The following TMPRSS9 variants were observed in gnomAD, a reference collection of about 807,000 sequenced individuals.
TMPRSS9 encodes transmembrane protease serine 9.
Under a neutral mutation model 111.4 loss-of-function variants are expected in TMPRSS9, and 113 were observed. The ratio of observed to expected loss-of-function variants is 1.01; its 90% confidence interval spans 0.87 to 1.19. The LOEUF (loss-of-function observed/expected upper bound fraction) is 1.19. TMPRSS9 is among the 50% of genes most tolerant of loss of function. The pLI is 0.00. For missense variants in TMPRSS9, 1,803 were observed against 1,513.1 expected (o/e 1.19, Z -3.18); for synonymous variants, 805 against 659.1 (o/e 1.22, Z -3.39).
chr19:2,399,350 G>A (rs548032816), intron 4 of TMPRSS9, among the ~76,000 whole-genome samples, 157 bp downstream of exon 5: 7 of 152,248 alleles, frequency 4.6e-5, no homozygotes, highest in East Asian at 3.9e-4. Context: ...TTGGGAGGCC[G>A]AGGCGGGTGG....
At chr19:2,396,646 A>T in exon 2 of TMPRSS9, 1 of 1,608,702 alleles carries the variant, frequency 6.2e-7, no homozygotes, top group Non-Finnish European at 8.5e-7. Context: ...CCGCACGCTG[A>T]CGCCCACCCT....
intron 7 of TMPRSS9, among the ~76,000 whole-genome samples, chr19:2,407,019 T>C (rs1356653932): frequency 6.6e-6 from 1 of 150,650 alleles, no homozygotes; most frequent in Admixed American, 6.6e-5. Flanking sequence ...AGGCTGGTCT[T>C]GAACTCCTGG....
intron 10 of TMPRSS9, chr19:2,414,236 T>G: frequency 1.9e-6 from 1 of 514,040 alleles, no homozygotes; most frequent in Non-Finnish European, 3.3e-6. Flanking sequence ...GATCTATCAA[T>G]GGGATACTTT....
chr19:2,418,129 C>G (rs1203769942), exon 13 of TMPRSS9: 1 of 1,611,844 alleles, frequency 6.2e-7, no homozygotes, highest in East Asian at 2.2e-5. Context: ...GCAAAGTCGA[C>G]TCCTGCCAGG....
exon 12 of TMPRSS9, chr19:2,416,569 G>C: frequency 6.2e-7 from 1 of 1,611,116 alleles, no homozygotes; most frequent in Non-Finnish European, 8.5e-7. Flanking sequence ...GGCCCACCTG[G>C]GCACTGCGTC....
rs774871976 is a variant in TMPRSS9, at chr19:2,396,658, G to A, written c.262G>A (p.Glu88Lys). The change falls in exon 2 of 18, where the codon GAG (glutamate) becomes AAG (lysine). Residue 88 changes from glutamate (E) to lysine (K), a missense_variant. By Grantham distance (56) the Glu-to-Lys change is moderately conservative. Coordinates refer to ENST00000648592, the Ensembl canonical transcript of TMPRSS9. ...TCACCGCACGCTGACGCCCACCCTGGAGGCACTGGTGAGGGTGGTCTGTGT... is the reference window on the plus strand; with the variant it reads ...TCACCGCACGCTGACGCCCACCCTGAAGGCACTGGTGAGGGTGGTCTGTGT... The A allele has an allele frequency of 1.2e-6, 2 of 1,609,036 alleles. No homozygotes were observed. The highest frequency in any genetic ancestry group is 1.7e-6 in the Non-Finnish European group (2 of 1,177,712).
At chr19:2,413,903 C>T in exon 10 of TMPRSS9, 3 of 1,613,178 alleles carry the variant, frequency 1.9e-6, no homozygotes, top group Non-Finnish European at 2.5e-6. Context: ...CCCCTGCCGC[C>T]CCCAGCACAG....
At chr19:2,368,803 A>ATTTTTTTTTTTT (rs1365307901) in intron 1 of TMPRSS9, among the ~76,000 whole-genome samples, 1 of 26,726 alleles carries the variant, frequency 3.7e-5, no homozygotes, top group Admixed American at 3.9e-4. Flanking sequence ...TTTTTTTTTA[A>ATTTTTTTTTTTT]AGACAGAGTC....
exon 2 of TMPRSS9, chr19:2,396,626 C>G (rs71337102): frequency 1.2e-6 from 2 of 1,603,488 alleles, no homozygotes; most frequent in Non-Finnish European, 1.7e-6. Context: ...CGGGAGACCT[C>G]GGACTATCAC....
intron 4 of TMPRSS9, 54 bp downstream of exon 5, chr19:2,399,247 G>C: frequency 6.6e-7 from 1 of 1,518,532 alleles, no homozygotes; most frequent in Non-Finnish European, 8.8e-7. Flanking sequence ...GAGTGGGGCA[G>C]GAGCTGCAAG....
rs1971610765 is a variant in TMPRSS9, at chr19:2,425,845, C to T, written c.3121-82C>T. On this transcript the variant is annotated intron_variant, in intron 17 of 17. Coordinates refer to ENST00000648592, the Ensembl canonical transcript of TMPRSS9. ...GGCTCCCAGGGGAAGTCACTAGGGT[C>T]ACTCCTAGAGGGGCCAATGACCCAA... The T allele has an allele frequency of 2.7e-6, 4 of 1,471,386 alleles. 1 individual carries two copies. The South Asian group carries it at 4.2e-5, about 16-fold the overall frequency. 91.1% of individuals were successfully genotyped at this position (1,471,386 alleles called of 1,614,324 possible).
chr19:2,425,368 C>G (rs201826994), exon 17 of TMPRSS9: 4 of 1,524,516 alleles, frequency 2.6e-6, no homozygotes, highest in Non-Finnish European at 3.5e-6. Context: ...CTCCATGGCG[C>G]GGCAGCTGCA....
At chr19:2,389,076 C>CTT (rs1197842508), upstream of TMPRSS9, among the ~76,000 whole-genome samples, 17 of 139,790 alleles carry the variant, frequency 1.2e-4, no homozygotes, top group South Asian at 4.5e-4. Context: ...CACGTTCCAC[C>CTT]TTTTTTTTTT....
Position 2,399,203 on chromosome 19 carries a change from C to T in TMPRSS9, c.514+10C>T. 1.3e-6 allele frequency: 2 copies of T among 1,571,674 alleles called. No homozygotes were observed. The highest frequency in any genetic ancestry group is 1.7e-6 in the Non-Finnish European group (2 of 1,158,288). On this transcript the variant is annotated intron_variant, in intron 4 of 17. Coordinates refer to ENST00000648592, the Ensembl canonical transcript of TMPRSS9. ...TCGGCTGAGCTCACAGGTGAGTGGG[C>T]AGCCGAGACCGAAACCCCATCACGA...
chr19:2,365,988 A>G lies in TMPRSS9; in HGVS notation c.-26+5628A>G, dbSNP rs1226078413. ...CAAAATAAATAAATAAATAATTTTA[A>G]AAAAGAGATGGAGAAAGAGAAGAGA... On this transcript the variant is annotated intron_variant, in intron 1 of 17. Coordinates refer to the TMPRSS9 transcript ENST00000649857. Among the ~76,000 whole-genome samples the G allele has an allele frequency of 2.6e-5, 4 of 151,880 alleles. No individual in the cohort carries two copies. In the East Asian group the frequency reaches 5.8e-4, roughly 22 times the overall value.
At position 2,424,331 on chromosome 19, in the gene TMPRSS9, G is replaced by A. The variant is rs1470963430; in HGVS notation, c.2717+74G>A. The A allele has an allele frequency of 6.3e-6, 8 of 1,266,680 alleles. No individual in the cohort carries two copies. The African/African-American group carries it at 9.2e-5, about 15-fold the overall frequency. 78.5% of individuals were successfully genotyped at this position (1,266,680 alleles called of 1,614,324 possible). ...CGGAACCGAACTGTTGCCCGAAAAC[G>A]CACCCTGACCCCCTCCTTTGCCGGG... On this transcript the variant is annotated intron_variant, in intron 15 of 17. Coordinates refer to ENST00000648592, the Ensembl canonical transcript of TMPRSS9.
intron 1 of TMPRSS9, among the ~76,000 whole-genome samples, chr19:2,381,445 C>T (rs1021672190): frequency 6.6e-6 from 1 of 151,554 alleles, no homozygotes; most frequent in South Asian, 2.1e-4. Context: ...ATCTCGGTGT[C>T]TTTTGTTTCT....
At chr19:2,389,855 G>A (rs753196624) in exon 1 of TMPRSS9, 16 of 1,613,918 alleles carry the variant, frequency 9.9e-6, no homozygotes, top group Admixed American at 8.3e-5. Context: ...TCTGGATGCC[G>A]CGTGCTGTCG....
chr19:2,424,740 A>G (rs2145425520), intron 15 of TMPRSS9, among the ~76,000 whole-genome samples: 1 of 152,116 alleles, frequency 6.6e-6, no homozygotes, highest in Non-Finnish European at 1.5e-5. Context: ...GGAGGTCAGA[A>G]GGGGAGGGCA....
Sources: gnomAD v4.1 joint callset for allele counts (sites outside exome capture counted in the v4.1 genomes callset) on GRCh38, gnomAD v4.1.1 for gene constraint, MANE v1.5 for transcripts, NCBI Gene and HGNC (gene_info 2026-07-23, HGNC 2026-07-21) for gene names.